Variants in EPM2A observed in about 807,000 individuals in gnomAD.
EPM2A encodes laforin.
In EPM2A, 21 loss-of-function variants were observed where a neutral mutation model predicts 26.5. The observed-to-expected ratio is 0.79, with a 90% CI of 0.56 to 1.14. The LOEUF (loss-of-function observed/expected upper bound fraction) is 1.14, where lower values mean the gene tolerates loss of function less well. Ranked by LOEUF, EPM2A falls within the 50% of genes most tolerant of loss-of-function variation. The pLI, the probability that EPM2A is intolerant of heterozygous loss-of-function variation, is 0.00. For synonymous variants in EPM2A, 217 were observed against 177.6 expected, an observed-to-expected ratio of 1.22 and a Z score of -1.76; for missense variants, 458 against 440.8, an observed-to-expected ratio of 1.04 and a Z score of -0.35.
At chr6:145,714,182 T>C (rs762380124) in intron 1 of EPM2A, among the ~76,000 whole-genome samples, 21 of 152,236 alleles carry the variant, frequency 1.4e-4, no homozygotes, top group Admixed American at 6.5e-5. Context: ...AATGTAGAGT[T>C]GTCTCTCAGT....
intron 1 of EPM2A, among the ~76,000 whole-genome samples, chr6:145,710,348 C>T (rs948718192): frequency 1.3e-5 from 2 of 152,174 alleles, no homozygotes; most frequent in Non-Finnish European, 2.9e-5. Context: ...GACATTTATG[C>T]AGCCAAAAAA....
intron 4 of EPM2A, among the ~76,000 whole-genome samples, chr6:145,458,083 G>C (rs1779284037): frequency 6.6e-6 from 1 of 152,174 alleles, no homozygotes; most frequent in African/African-American, 2.4e-5. Context: ...ACTCACCTAT[G>C]TGGAAAGTCC....
chr6:145,466,469 C>T (rs1779395303), intron 4 of EPM2A, among the ~76,000 whole-genome samples: 1 of 152,072 alleles, frequency 6.6e-6, no homozygotes, highest in South Asian at 2.1e-4. Flanking sequence ...GTTAGAATGG[C>T]AATCATTAAA....
chr6:145,533,009 A>G (rs1439215987), intron 2 of EPM2A, among the ~76,000 whole-genome samples: 1 of 152,168 alleles, frequency 6.6e-6, no homozygotes, highest in East Asian at 1.9e-4. Flanking sequence ...AAACTTATAT[A>G]TTCATTTGCT....
chr6:145,653,282 C>T (rs1466778992), intron 2 of EPM2A, among the ~76,000 whole-genome samples: 1 of 152,136 alleles, frequency 6.6e-6, no homozygotes, highest in Non-Finnish European at 1.5e-5. Context: ...TGATTTCTCA[C>T]AATATCTGAT....
chr6:145,598,520 C>G (rs1040959320), intron 2 of EPM2A, among the ~76,000 whole-genome samples: 1 of 152,004 alleles, frequency 6.6e-6, no homozygotes, highest in Admixed American at 6.6e-5. Context: ...TTGTTAGATG[C>G]ATAGTTTGCA....
intron 2 of EPM2A, 109 bp downstream of exon 2, chr6:145,686,013 G>A: frequency 2.1e-6 from 2 of 944,588 alleles, no homozygotes; most frequent in Non-Finnish European, 3.3e-6. Flanking sequence ...CAGGCCTATA[G>A]ACCCCTCCCA....
chr6:145,598,393 T>C (rs1781376500), intron 2 of EPM2A, among the ~76,000 whole-genome samples: 2 of 152,212 alleles, frequency 1.3e-5, no homozygotes, highest in South Asian at 4.1e-4. Context: ...TGTCTGTTCA[T>C]GTCATTTGCC....
rs1207318093 is a variant in EPM2A, at chr6:145,693,333, A to G, written c.302-7037T>C. ...TTGGGTAGAGACTGTGAGGTTTTCT[A>G]GGTATAAAATCATATCATCTGCAAA... On this transcript the variant is annotated intron_variant, in intron 1 of 3. Coordinates refer to ENST00000367519, the MANE Select transcript of EPM2A (RefSeq NM_005670.4). 2.0e-5 allele frequency among the ~76,000 whole-genome samples: 3 copies of G among 152,124 alleles called. No individual in the cohort carries two copies. In the South Asian group the frequency reaches 6.2e-4, roughly 32 times the overall value.
chr6:145,715,416 A>G (rs566297402), intron 1 of EPM2A, among the ~76,000 whole-genome samples: 2 of 152,340 alleles, frequency 1.3e-5, no homozygotes, highest in East Asian at 3.9e-4. Flanking sequence ...AAGAACATGC[A>G]GACTCTGCAG....
At chr6:145,407,429 T>C (rs1778583786) in intron 4 of EPM2A, among the ~76,000 whole-genome samples, 1 of 152,094 alleles carries the variant, frequency 6.6e-6, no homozygotes, top group Non-Finnish European at 1.5e-5. Flanking sequence ...TTTAATAATA[T>C]TTCAAAGGGT....
At chr6:145,462,408 A>G (rs566813759) in intron 4 of EPM2A, among the ~76,000 whole-genome samples, 118 of 152,282 alleles carry the variant, frequency 7.7e-4, no homozygotes, top group Non-Finnish European at 1.2e-3. Context: ...ATTGTATACA[A>G]ATTTATTACA....
chr6:145,420,572 C>T lies in EPM2A; in HGVS notation c.556-36475G>A, dbSNP rs1231378808. Reference sequence around the variant, plus strand: ...GAATCTAACTAGTTCCTTGCCCTGACCGTGAACATCCACTTAGAAAACTTC... The same window carrying T: ...GAATCTAACTAGTTCCTTGCCCTGATCGTGAACATCCACTTAGAAAACTTC... On this transcript the variant is annotated intron_variant, in intron 4 of 4. Coordinates refer to the EPM2A transcript ENST00000638717. Among the ~76,000 whole-genome samples the T allele has an allele frequency of 2.0e-5, 3 of 152,122 alleles. 1 individual carries two copies. The South Asian group carries it at 6.2e-4, about 31-fold the overall frequency.
chr6:145,481,717 T>TA (rs1779613324), intron 4 of EPM2A, among the ~76,000 whole-genome samples: 1 of 152,152 alleles, frequency 6.6e-6, no homozygotes, highest in African/African-American at 2.4e-5. Context: ...TACTTGTTGT[T>TA]ATTTTAAGCC....
intron 2 of EPM2A, among the ~76,000 whole-genome samples, chr6:145,582,480 C>T (rs761450959): frequency 4.6e-5 from 7 of 152,172 alleles, no homozygotes; most frequent in Admixed American, 2.0e-4. Flanking sequence ...TAGTTCAGGT[C>T]CCAATTATCT....
At chr6:145,396,795 A>G (rs1778411250) in intron 4 of EPM2A, among the ~76,000 whole-genome samples, 1 of 152,168 alleles carries the variant, frequency 6.6e-6, no homozygotes, top group Admixed American at 6.5e-5. Context: ...ATTCTCATTG[A>G]GTTGAGGCTT....
At chr6:145,595,070 G>C (rs746159979) in intron 2 of EPM2A, among the ~76,000 whole-genome samples, 5 of 150,870 alleles carry the variant, frequency 3.3e-5, no homozygotes, top group Non-Finnish European at 7.4e-5. Context: ...CTAGTCCTTT[G>C]TAATCTGGAA....
At chr6:145,450,423 T>C (rs1779182647) in intron 4 of EPM2A, among the ~76,000 whole-genome samples, 1 of 149,164 alleles carries the variant, frequency 6.7e-6, no homozygotes, top group Non-Finnish European at 1.5e-5. Context: ...ACTAACATAA[T>C]GCAGACTCTA....
At chr6:145,415,388 A>G (rs1345466526) in intron 4 of EPM2A, among the ~76,000 whole-genome samples, 3 of 152,244 alleles carry the variant, frequency 2.0e-5, no homozygotes, top group African/African-American at 7.2e-5. Flanking sequence ...GATAATTTTC[A>G]ACCTGATAGG....
Sources: gnomAD v4.1 joint callset for allele counts (sites outside exome capture counted in the v4.1 genomes callset) on GRCh38, gnomAD v4.1.1 for gene constraint, MANE v1.5 for transcripts, NCBI Gene and HGNC (gene_info 2026-07-23, HGNC 2026-07-21) for gene names.